The following FAAP20 variants were observed in gnomAD, a reference collection of about 807,000 sequenced individuals.
FAAP20 encodes the protein FA core complex associated protein 20.
A neutral mutation model predicts 16.2 loss-of-function variants in FAAP20; 12 were observed. The observed-to-expected ratio is 0.74, with a 90% CI of 0.48 to 1.20. The LOEUF (loss-of-function observed/expected upper bound fraction) is 1.20, where lower values mean the gene tolerates loss of function less well. Ranked by LOEUF, FAAP20 falls within the 50% of genes most tolerant of loss-of-function variation. FAAP20 has a pLI of 0.00. For missense variants in FAAP20, 288 were observed against 245.8 expected (o/e 1.17, Z -1.15); for synonymous variants, 141 against 110.7 (o/e 1.27, Z -1.72).
chr1:2,194,712 C>T lies in FAAP20; in HGVS notation c.38G>A (p.Arg13His), dbSNP rs1265472764. ...AARRPRLGLSRRRPRPAGGPS... is the reference protein window; with the variant it reads ...AARRPRLGLSHRRPRPAGGPS... ...CCCGCCCGCCGGGCGCGGCCTCCGG[C>T]GGCTCAACCCCAGCCGCGGCCTCCG... is the stretch of plus-strand genomic sequence containing the variant. The change falls in exon 1 of 4, where the codon CGC becomes CAC. Residue 13 changes from arginine (R) to histidine (H), a missense_variant. Physicochemically the swap from Arg to His is conservative, Grantham distance 29. Coordinates refer to ENST00000378546, the MANE Select transcript of FAAP20 (RefSeq NM_182533.4). 2 of 1,180,502 alleles carry T rather than the reference C, an allele frequency of 1.7e-6. No homozygotes were observed. Among genetic ancestry groups the T allele is most frequent in the South Asian group, 8.1e-5 (2 of 24,718 alleles). 73.1% of individuals were successfully genotyped at this position (1,180,502 alleles called of 1,614,324 possible).
upstream of FAAP20, among the ~76,000 whole-genome samples, chr1:2,195,311 C>T (rs867561359): frequency 6.6e-6 from 1 of 152,062 alleles, no homozygotes; most frequent in Non-Finnish European, 1.5e-5. Flanking sequence ...AGCTGAGGGG[C>T]TTTCCTGCCT....
At chr1:2,195,161 C>T (rs1313200704), upstream of FAAP20, among the ~76,000 whole-genome samples, 1 of 152,228 alleles carries the variant, frequency 6.6e-6, no homozygotes, top group Non-Finnish European at 1.5e-5. Context: ...GTAAATAAAG[C>T]TTGAAATCCG....
chr1:2,189,203 C>T (rs1032550393), downstream of FAAP20, among the ~76,000 whole-genome samples: 1 of 147,928 alleles, frequency 6.8e-6, no homozygotes, highest in African/African-American at 2.5e-5. Context: ...TGTGGTGACG[C>T]GCGCCTGTAG....
chr1:2,199,322 C>G (rs1297098425), upstream of FAAP20: 40 of 1,041,962 alleles, frequency 3.8e-5, no homozygotes, highest in Non-Finnish European at 4.5e-5. The surrounding 1 kb of genome is among the most constrained non-coding windows in gnomAD (Gnocchi z 4.5). Flanking sequence ...CACCACTCAG[C>G]CCCCACCCAG....
upstream of FAAP20, among the ~76,000 whole-genome samples, chr1:2,202,444 T>A (rs1199016001): frequency 6.6e-6 from 1 of 151,978 alleles, no homozygotes; most frequent in Non-Finnish European, 1.5e-5. Flanking sequence ...GTTCAAGCAA[T>A]CCTCAACACC....
At chr1:2,198,119 T>G, upstream of FAAP20, 1 of 1,291,120 alleles carries the variant, frequency 7.7e-7, no homozygotes, top group Non-Finnish European at 1.0e-6. Flanking sequence ...CGGAGCCATC[T>G]GCTGCTGTGG....
downstream of FAAP20, among the ~76,000 whole-genome samples, chr1:2,187,616 C>T (rs139083574): frequency 6.6e-6 from 1 of 152,294 alleles, no homozygotes; most frequent in Non-Finnish European, 1.5e-5. Flanking sequence ...AAGCCATTTT[C>T]TTAAGTAGGC....
upstream of FAAP20, among the ~76,000 whole-genome samples, chr1:2,196,895 T>C (rs1688849681): frequency 6.6e-6 from 1 of 151,912 alleles, no homozygotes; most frequent in South Asian, 2.1e-4. This position sits in a 1 kb window ranked among gnomAD's most constrained non-coding sequence, Gnocchi z 4.5. Flanking sequence ...TTTGCTCAGC[T>C]CTCTGTGCCG....
intron 3 of FAAP20, chr1:2,192,091 G>A (rs549393530): frequency 5.1e-6 from 5 of 985,598 alleles, no homozygotes; most frequent in South Asian, 9.4e-5. Context: ...GCGGGACAGG[G>A]CGACGGTTCA....
downstream of FAAP20, chr1:2,189,506 A>G: frequency 3.3e-6 from 2 of 609,168 alleles, no homozygotes; most frequent in Non-Finnish European, 6.0e-6. Flanking sequence ...CACTGCAGTG[A>G]ATCTGCCCTA....
chr1:2,184,831 G>C (rs1687324256), downstream of FAAP20: 1 of 1,392,922 alleles, frequency 7.2e-7, no homozygotes. Flanking sequence ...AGTGGGCGTT[G>C]GGGGAGGATT....
At chr1:2,202,195 C>CA (rs1689077448), upstream of FAAP20, among the ~76,000 whole-genome samples, 1 of 152,196 alleles carries the variant, frequency 6.6e-6, no homozygotes, top group South Asian at 2.1e-4. Flanking sequence ...CAAACCCCAG[C>CA]ACCGTGTGGC....
upstream of FAAP20, chr1:2,197,929 C>A: frequency 2.4e-6 from 3 of 1,233,548 alleles, no homozygotes; most frequent in Non-Finnish European, 2.1e-6. Flanking sequence ...CAGCTGCCTG[C>A]CAGCCGAGGG....
upstream of FAAP20, chr1:2,198,637 T>C (rs977581882): frequency 1.7e-6 from 2 of 1,196,348 alleles, 1 homozygote; most frequent in African/African-American, 3.2e-5. Context: ...AATTTCCAAA[T>C]GAGACCTGTG....
downstream of FAAP20, among the ~76,000 whole-genome samples, chr1:2,209,364 C>A (rs1689373618): frequency 6.6e-6 from 1 of 152,232 alleles, no homozygotes; most frequent in African/African-American, 2.4e-5. Flanking sequence ...ACATGGACCC[C>A]CATCCAACAT....
At chr1:2,187,022 G>A (rs151298143), downstream of FAAP20, 5 of 336,372 alleles carry the variant, frequency 1.5e-5, no homozygotes, top group East Asian at 1.9e-4. Flanking sequence ...TAATGGCTCC[G>A]GTCACGACGG....
downstream of FAAP20, among the ~76,000 whole-genome samples, chr1:2,185,716 G>A (rs262687): frequency 0.24 from 35,763 of 152,140 alleles, 4,837 homozygotes; most frequent in Admixed American, 0.33. Flanking sequence ...CCAAAGCACA[G>A]TAGACCAAAA....
chr1:2,187,344 G>C, downstream of FAAP20: 4 of 334,430 alleles, frequency 1.2e-5, no homozygotes, highest in Non-Finnish European at 2.4e-5. Flanking sequence ...TTACTCTGTA[G>C]CCCAGGCTGG....
chr1:2,207,746 G>T (rs1276555045), downstream of FAAP20: 1 of 152,364 alleles, frequency 6.6e-6, no homozygotes. Context: ...CGGGGTTTGT[G>T]CTGCAGGAGG....
Sources: gnomAD v4.1 joint callset for allele counts (sites outside exome capture counted in the v4.1 genomes callset) on GRCh38, gnomAD v4.1.1 for gene constraint, Gnocchi (gnomAD v3.1) non-coding constraint, MANE v1.5 for transcripts, NCBI Gene and HGNC (gene_info 2026-07-23, HGNC 2026-07-21) for gene names.